PPFIBP1: variants seen among roughly 807,000 people sequenced by gnomAD.
PPFIBP1 encodes liprin-beta-1.
PPFIBP1 carries 112 observed loss-of-function variants against 137.8 expected under a neutral mutation model. The ratio of observed to expected loss-of-function variants is 0.81; its 90% CI spans 0.70 to 0.95. PPFIBP1 has a LOEUF of 0.95. Ranked by LOEUF, PPFIBP1 falls within the 40% of genes least tolerant of loss-of-function variation. PPFIBP1 has a pLI of 0.00. For missense variants in PPFIBP1, 1,083 were observed against 1,196.6 expected (o/e 0.91, Z 1.40); for synonymous variants, 378 against 417.3 (o/e 0.91, Z 1.15).
intron 2 of PPFIBP1, among the ~76,000 whole-genome samples, chr12:27,622,205 C>T (rs2138593868): frequency 6.6e-6 from 1 of 152,256 alleles, no homozygotes; most frequent in African/African-American, 2.4e-5. Flanking sequence ...AGCTGTGGTC[C>T]AGGGCTGCAG....
intron 27 of PPFIBP1, 76 bp downstream of exon 27, chr12:27,689,279 T>C (rs997506390): frequency 7.1e-7 from 1 of 1,403,216 alleles, no homozygotes; most frequent in Non-Finnish European, 9.4e-7. Context: ...GTTATTCTGT[T>C]TTCTGGGGTT....
chr12:27,677,124 A>G (rs758651652), intron 19 of PPFIBP1, 28 bp downstream of exon 19: 4 of 1,613,330 alleles, frequency 2.5e-6, no homozygotes, highest in African/African-American at 1.3e-5. Context: ...GCCAGCCTTC[A>G]CCAGCACTGT....
At chr12:27,600,999 T>A (rs1220651005) in intron 2 of PPFIBP1, among the ~76,000 whole-genome samples, 1 of 152,204 alleles carries the variant, frequency 6.6e-6, no homozygotes, top group Non-Finnish European at 1.5e-5. Flanking sequence ...CTTTCAGCTA[T>A]TTTTAAGTAT....
At chr12:27,641,946 A>AAAATAAATAAATAAAT (rs55663709) in intron 4 of PPFIBP1, among the ~76,000 whole-genome samples, 1,675 of 147,872 alleles carry the variant, frequency 0.011, 34 homozygotes, top group African/African-American at 0.037. Flanking sequence ...TGCAACTGCA[A>AAAATAAATAAATAAAT]AAATAAATAA....
intron 2 of PPFIBP1, among the ~76,000 whole-genome samples, chr12:27,600,853 T>C (rs942179501): frequency 6.6e-6 from 1 of 152,216 alleles, no homozygotes; most frequent in African/African-American, 2.4e-5. Context: ...TATTTTTAAT[T>C]GACATGTTTG....
rs891382862 is a variant in PPFIBP1 at position 27,597,935 on chromosome 12, C to T, written c.-36+19696C>T. Among the ~76,000 whole-genome samples the T allele has an allele frequency of 5.9e-5, 9 of 151,954 alleles. No homozygotes were observed. The East Asian group carries it at 9.7e-4, about 16-fold the overall frequency. On this transcript the variant is annotated intron_variant, in intron 2 of 29. Coordinates refer to ENST00000228425, the MANE Select transcript of PPFIBP1 (RefSeq NM_003622.4). Reference sequence around the variant, plus strand: ...ATTCTCATGCCTCAGCCTCCCAGGTCGCTGGGATTACAGGCATGTGCCACC... The same window carrying T: ...ATTCTCATGCCTCAGCCTCCCAGGTTGCTGGGATTACAGGCATGTGCCACC...
rs2139532248 is a variant in PPFIBP1, at chr12:27,647,761, G to A, written c.390G>A (p.Gln130=). The A allele has an allele frequency of 1.9e-6, 3 of 1,610,366 alleles. No individual in the cohort carries two copies. Among genetic ancestry groups the A allele is most frequent in the Non-Finnish European group, 2.5e-6 (3 of 1,178,450 alleles). The change falls in exon 6 of 30, where the codon CAG becomes CAA. Residue 130 remains glutamine (Q), a synonymous_variant. Transcript: ENST00000228425. ...VSVLTDQVEA[Q]GEKIRDLEFC... is the part of the protein sequence containing the mutation. ...TGTTAACAGACCAGGTGGAGGCTCA[G>A]GGAGAGAAGATTCGAGATTTGGAGT...
chr12:27,684,149 C>G (rs1161198138), intron 24 of PPFIBP1, among the ~76,000 whole-genome samples: 1 of 151,620 alleles, frequency 6.6e-6, no homozygotes, highest in Non-Finnish European at 1.5e-5. Flanking sequence ...CACTCTGCTG[C>G]CCAGGCTGGA....
chr12:27,664,197 A>AT (rs1466723964), intron 11 of PPFIBP1, among the ~76,000 whole-genome samples, 165 bp from the exon 12 acceptor site: 3 of 152,220 alleles, frequency 2.0e-5, no homozygotes, highest in Non-Finnish European at 4.4e-5. Context: ...TATTCTTTAA[A>AT]TAAGGTAAAT....
chr12:27,657,559 TTGTC>T (rs780728493), intron 9 of PPFIBP1, among the ~76,000 whole-genome samples: 7 of 151,776 alleles, frequency 4.6e-5, no homozygotes, highest in African/African-American at 7.3e-5. Flanking sequence ...ATTAGTAACA[TTGTC>T]TGTCCAATGA....
intron 1 of PPFIBP1, among the ~76,000 whole-genome samples, chr12:27,565,468 CTT>C (rs2049563828): frequency 6.6e-6 from 1 of 152,168 alleles, no homozygotes; most frequent in African/African-American, 2.4e-5. Context: ...GCTTCTCTTT[CTT>C]TTTTCACCTC....
chr12:27,587,341 G>A (rs4411310), intron 2 of PPFIBP1, among the ~76,000 whole-genome samples: 5,013 of 152,088 alleles, frequency 0.033, 119 homozygotes, highest in South Asian at 0.05. Flanking sequence ...ATTACTGTTG[G>A]CCAGGCGCAG....
chr12:27,642,032 T>C (rs1414884220), intron 4 of PPFIBP1, among the ~76,000 whole-genome samples: 1 of 152,206 alleles, frequency 6.6e-6, no homozygotes, highest in African/African-American at 2.4e-5. Context: ...GGTGTTCTAA[T>C]GTTATGTGTA....
intron 1 of PPFIBP1, among the ~76,000 whole-genome samples, chr12:27,568,348 C>G (rs1409482630): frequency 6.6e-6 from 1 of 152,154 alleles, no homozygotes; most frequent in East Asian, 1.9e-4. Flanking sequence ...TATTGGTTGA[C>G]TATTTAAAAA....
At chr12:27,565,763 C>T (rs1262403892) in intron 1 of PPFIBP1, among the ~76,000 whole-genome samples, 1 of 149,592 alleles carries the variant, frequency 6.7e-6, no homozygotes, top group Admixed American at 6.7e-5. Context: ...AGTCGTTTGT[C>T]TTCACGACTT....
rs376577510 is a variant in PPFIBP1, at chr12:27,596,071, T to TACACACACACACAC, written c.-36+17856_-36+17869dup. On this transcript the variant is annotated intron_variant, in intron 2 of 29. Transcript: ENST00000228425. The stretch of plus-strand genomic sequence containing the variant: ...TCTAAATAAGGGGCATGGGTATAAA[T>TACACACACACACAC]ACACACACACACACACACACACACA... 3.3e-3 allele frequency among the ~76,000 whole-genome samples: 428 copies of TACACACACACACAC among 130,754 alleles called. 4 individuals carry two copies. The highest frequency in any genetic ancestry group is 0.01 in the African/African-American group (361 of 34,600). 85.8% of individuals were successfully genotyped at this position (130,754 alleles called of 152,430 possible).
intron 2 of PPFIBP1, among the ~76,000 whole-genome samples, chr12:27,610,798 GCTTATTA>G (rs1190468777): frequency 2.0e-5 from 3 of 152,002 alleles, no homozygotes; most frequent in African/African-American, 4.8e-5. Flanking sequence ...CTATGATTTT[GCTTATTA>G]CTTATACTTT....
chr12:27,525,350 A>G (rs924747197), intron 1 of PPFIBP1, among the ~76,000 whole-genome samples: 1 of 151,886 alleles, frequency 6.6e-6, no homozygotes, highest in East Asian at 1.9e-4. Context: ...ATTTTTGTTT[A>G]TTTCCTATTT....
intron 4 of PPFIBP1, among the ~76,000 whole-genome samples, chr12:27,639,246 T>TG (rs2057928994): frequency 2.0e-5 from 3 of 152,382 alleles, no homozygotes; most frequent in Admixed American, 1.3e-4. Flanking sequence ...ATGACATATT[T>TG]GTTTAATTAC....
Sources: gnomAD v4.1 joint callset for allele counts (sites outside exome capture counted in the v4.1 genomes callset) on GRCh38, gnomAD v4.1.1 for gene constraint, MANE v1.5 for transcripts, NCBI Gene and HGNC (gene_info 2026-07-23, HGNC 2026-07-21) for gene names.